Variants in LRRC37A2 observed in about 807,000 individuals in gnomAD.
The protein encoded by LRRC37A2 is leucine rich repeat containing 37 member A2.
Under a neutral mutation model 68.8 loss-of-function variants are expected in LRRC37A2, and 9 were observed. That is an observed-to-expected ratio of 0.13 (90% CI 0.08 to 0.23). The LOEUF (loss-of-function observed/expected upper bound fraction) is 0.23. LRRC37A2 is among the 10% of genes least tolerant of loss of function. The pLI is 1.00. For missense variants in LRRC37A2, 168 were observed against 950.4 expected (o/e 0.18, Z 10.82); for synonymous variants, 63 against 367.6 (o/e 0.17, Z 9.48).
the LRRC37A2 span, among the ~76,000 whole-genome samples, chr17:46,812,312 C>T: frequency 2.0e-5 from 3 of 152,108 alleles, no homozygotes; most frequent in Admixed American, 6.5e-5. Flanking sequence ...CCTGCTGCCT[C>T]CCCACACATA....
chr17:46,766,322 C>T, the LRRC37A2 span, among the ~76,000 whole-genome samples: 1 of 151,962 alleles, frequency 6.6e-6, no homozygotes, highest in Admixed American at 6.6e-5. Context: ...GCAGGAGAAT[C>T]GCTTGAACCC....
chr17:46,798,251 T>C, the LRRC37A2 span, among the ~76,000 whole-genome samples: 1 of 152,126 alleles, frequency 6.6e-6, no homozygotes, highest in Non-Finnish European at 1.5e-5. Flanking sequence ...TTTTAAGTAA[T>C]GGAATAAATA....
the LRRC37A2 span, among the ~76,000 whole-genome samples, chr17:46,707,740 C>G: frequency 2.0e-5 from 3 of 151,922 alleles, no homozygotes; most frequent in African/African-American, 7.3e-5. Flanking sequence ...GGATAATACT[C>G]CATTATATGG....
At chr17:47,025,426 G>A in the LRRC37A2 span, among the ~76,000 whole-genome samples, 2 of 151,804 alleles carry the variant, frequency 1.3e-5, no homozygotes, top group Non-Finnish European at 2.9e-5. Context: ...TAATATTATC[G>A]AGAATATTAA....
chr17:46,444,490 G>A, the LRRC37A2 span, among the ~76,000 whole-genome samples: 1 of 99,064 alleles, frequency 1.0e-5, no homozygotes, highest in Non-Finnish European at 2.1e-5. Flanking sequence ...GGCTGGTCTC[G>A]AACTCCTGAG....
At chr17:46,832,138 A>G in the LRRC37A2 span, among the ~76,000 whole-genome samples, 2 of 152,280 alleles carry the variant, frequency 1.3e-5, no homozygotes, top group East Asian at 1.9e-4. Context: ...GGGGAGGAAG[A>G]CAGAGAAGGA....
the LRRC37A2 span, among the ~76,000 whole-genome samples, chr17:46,874,195 G>T: frequency 6.6e-6 from 1 of 152,284 alleles, no homozygotes; most frequent in African/African-American, 2.4e-5. Flanking sequence ...GCAGAGAGGA[G>T]TGTCGGTGGT....
the LRRC37A2 span, chr17:46,930,392 A>G: frequency 1.3e-5 from 2 of 152,320 alleles, no homozygotes; most frequent in Admixed American, 6.5e-5. Flanking sequence ...CTTCTCAGCA[A>G]TCTCATTGTT....
the LRRC37A2 span, among the ~76,000 whole-genome samples, chr17:46,890,439 A>G: frequency 6.6e-6 from 1 of 152,164 alleles, no homozygotes; most frequent in African/African-American, 2.4e-5. Flanking sequence ...GACTGCCATC[A>G]GGAGCTCAGG....
chr17:46,721,573 C>T, the LRRC37A2 span: 1 of 1,482,646 alleles, frequency 6.7e-7, no homozygotes, highest in Non-Finnish European at 9.3e-7. Context: ...TTTATTTAGC[C>T]ATTTTTGTTT....
At chr17:46,752,982 C>T in the LRRC37A2 span, among the ~76,000 whole-genome samples, 5,348 of 152,154 alleles carry the variant, frequency 0.035, 103 homozygotes, top group Middle Eastern at 0.1. Flanking sequence ...TTGGCCAAGC[C>T]GGTCTCGATC....
At chr17:46,999,348 G>A in the LRRC37A2 span, among the ~76,000 whole-genome samples, 1 of 152,302 alleles carries the variant, frequency 6.6e-6, no homozygotes, top group South Asian at 2.1e-4. Context: ...AGGGCTCAAT[G>A]TGTGTCCACA....
the LRRC37A2 span, among the ~76,000 whole-genome samples, chr17:46,810,248 T>G: frequency 6.6e-6 from 1 of 152,064 alleles, no homozygotes; most frequent in East Asian, 1.9e-4. Context: ...CCTCAGGTGA[T>G]CCACCCGCCT....
chr17:46,940,924 A>C, the LRRC37A2 span: 2 of 1,314,558 alleles, frequency 1.5e-6, no homozygotes, highest in South Asian at 3.1e-5. Flanking sequence ...CCTGGTGAAA[A>C]ATAGACCTTG....
chr17:46,796,673 G>A, the LRRC37A2 span, among the ~76,000 whole-genome samples: 16 of 152,292 alleles, frequency 1.1e-4, no homozygotes, highest in South Asian at 8.3e-4. Flanking sequence ...GACCTAAGAC[G>A]GGAGAATGAT....
the LRRC37A2 span, among the ~76,000 whole-genome samples, chr17:47,008,563 A>G: frequency 6.6e-6 from 1 of 151,404 alleles, no homozygotes. Flanking sequence ...GGTTCAAGCA[A>G]TTCTTCTGCC....
chr17:46,493,737 C>CAAA, the LRRC37A2 span, among the ~76,000 whole-genome samples: 1 of 149,908 alleles, frequency 6.7e-6, no homozygotes, highest in Non-Finnish European at 1.5e-5. Flanking sequence ...CGGGGTTTCA[C>CAAA]CATGTTAGCC....
At chr17:46,930,332 G>C in the LRRC37A2 span, 1 of 152,274 alleles carries the variant, frequency 6.6e-6, no homozygotes, top group African/African-American at 2.4e-5. Context: ...CAGTCTGGAT[G>C]CTTTCTTTTG....
the LRRC37A2 span, among the ~76,000 whole-genome samples, chr17:46,719,821 A>G: frequency 6.6e-6 from 1 of 152,226 alleles, no homozygotes; most frequent in Non-Finnish European, 1.5e-5. The surrounding 1 kb of genome is among the most constrained non-coding windows in gnomAD (Gnocchi z 4.3). Context: ...CAATCAGTAG[A>G]GATGAAGTAG....
Sources: gnomAD v4.1 joint callset for allele counts (sites outside exome capture counted in the v4.1 genomes callset) on GRCh38, gnomAD v4.1.1 for gene constraint, Gnocchi (gnomAD v3.1) non-coding constraint, MANE v1.5 for transcripts, NCBI Gene and HGNC (gene_info 2026-07-23, HGNC 2026-07-21) for gene names.